Variants in SLC7A14 observed in about 807,000 individuals in gnomAD.
The protein encoded by SLC7A14 is solute carrier family 7 member 14, also known as gamma-aminobutyric acid transporter SLC7A14.
Under a neutral mutation model 60.2 loss-of-function variants are expected in SLC7A14, and 37 were observed. That is an observed-to-expected ratio of 0.61 (90% CI 0.47 to 0.81). The LOEUF (loss-of-function observed/expected upper bound fraction) is 0.81, where lower values mean the gene tolerates loss of function less well. Among genes scored for constraint, SLC7A14 ranks in the 30% least tolerant of loss-of-function variants. The probability of loss-of-function intolerance (pLI) is 0.00; values close to 1 mark genes in which losing one functional copy is unlikely to be tolerated. For missense variants in SLC7A14, 886 were observed against 982.7 expected (o/e 0.90, Z 1.32); for synonymous variants, 399 against 395.8 (o/e 1.01, Z -0.10).
chr3:170,483,254 G>T (rs1711892444), intron 6 of SLC7A14, 60 bp downstream of exon 6: 2 of 1,578,520 alleles, frequency 1.3e-6, no homozygotes, highest in Admixed American at 1.7e-5. Flanking sequence ...ACAGTGGGTA[G>T]ACATTCTCCC....
intron 2 of SLC7A14, among the ~76,000 whole-genome samples, chr3:170,515,086 G>T (rs1358771237): frequency 6.6e-6 from 1 of 152,068 alleles, no homozygotes; most frequent in African/African-American, 2.4e-5. Context: ...GCCGAGGCAG[G>T]TGGATCACCT....
At chr3:170,530,979 G>T (rs1713663511) in intron 1 of SLC7A14, among the ~76,000 whole-genome samples, 1 of 152,170 alleles carries the variant, frequency 6.6e-6, no homozygotes, top group African/African-American at 2.4e-5. Flanking sequence ...GAGACCCTTG[G>T]CAGTGGCTCT....
intron 3 of SLC7A14, among the ~76,000 whole-genome samples, chr3:170,500,744 A>C (rs909527786): frequency 2.0e-5 from 3 of 152,206 alleles, no homozygotes; most frequent in African/African-American, 7.2e-5. Flanking sequence ...GTATGACATT[A>C]CATTAAAACA....
chr3:170,507,002 C>T (rs1472267911), intron 2 of SLC7A14, among the ~76,000 whole-genome samples: 1 of 152,114 alleles, frequency 6.6e-6, no homozygotes, highest in Non-Finnish European at 1.5e-5. Context: ...CCTCTGCATT[C>T]CACCAAAGAA....
intron 5 of SLC7A14, 128 bp from the exon 6 acceptor site, chr3:170,483,650 T>A: frequency 4.2e-6 from 4 of 941,538 alleles, no homozygotes; most frequent in Non-Finnish European, 6.5e-6. Flanking sequence ...ATCCATTCAC[T>A]TGCTGGCATG....
At chr3:170,548,241 C>T (rs1055957596) in intron 1 of SLC7A14, among the ~76,000 whole-genome samples, 4 of 152,116 alleles carry the variant, frequency 2.6e-5, no homozygotes, top group Admixed American at 1.3e-4. Flanking sequence ...ACAGATAAGC[C>T]AGGACTCTTC....
intron 1 of SLC7A14, among the ~76,000 whole-genome samples, chr3:170,539,266 A>G (rs1410644516): frequency 6.6e-6 from 1 of 152,052 alleles, no homozygotes; most frequent in Non-Finnish European, 1.5e-5. Flanking sequence ...TCTATCTGGA[A>G]TCTCTTGCCC....
chr3:170,496,536 C>A, intron 4 of SLC7A14: 2 of 1,583,724 alleles, frequency 1.3e-6, no homozygotes, highest in South Asian at 1.1e-5. Context: ...GGACATGGCG[C>A]AGCAGCTGCG....
chr3:170,501,339 C>G lies in SLC7A14; in HGVS notation c.311G>C (p.Cys104Ser). The change falls in exon 3 of 8, where the codon TGC becomes TCC. Residue 104 changes from cysteine to serine, a missense_variant. Transcript: ENST00000231706. ...GACTCGAACTCCAAACTCTGCATAG[C>G]AGACGCCTGCAAGGGACAGACATAC... ...AAVASILSGV[C>S]YAEFGVRVPK... 1 of 1,614,044 alleles carries G rather than the reference C, an allele frequency of 6.2e-7. No individual in the cohort carries two copies.
At position 170,506,983 on chromosome 3, in the gene SLC7A14, A is replaced by G. The variant is rs1004278699; in HGVS notation, c.305-5638T>C. 2.4e-4 allele frequency among the ~76,000 whole-genome samples: 37 copies of G among 152,208 alleles called. 1 individual carries two copies. On this transcript the variant is annotated intron_variant, in intron 2 of 7. Transcript: ENST00000231706. The stretch of plus-strand genomic sequence containing the variant: ...GGAGAAAGGCTTCTCCACTTAAGAC[A>G]TAAATTTCCCTCTGCATTCCACCAA...
intron 4 of SLC7A14, among the ~76,000 whole-genome samples, chr3:170,495,383 G>C (rs530688877): frequency 6.6e-6 from 1 of 152,126 alleles, no homozygotes; most frequent in Admixed American, 6.6e-5. Flanking sequence ...GCAGCTTCTC[G>C]GCTCCTTCTG....
chr3:170,537,907 A>G (rs1713897204), intron 1 of SLC7A14, among the ~76,000 whole-genome samples: 1 of 152,222 alleles, frequency 6.6e-6, no homozygotes, highest in African/African-American at 2.4e-5. Context: ...GAGGAGAATT[A>G]GGCATTTGCC....
chr3:170,546,878 A>C (rs1314362878), intron 1 of SLC7A14, among the ~76,000 whole-genome samples: 1 of 152,220 alleles, frequency 6.6e-6, no homozygotes, highest in Non-Finnish European at 1.5e-5. Flanking sequence ...GATGATGGAC[A>C]GGTCTTCTTG....
chr3:170,522,787 G>C (rs1713374331), intron 2 of SLC7A14, among the ~76,000 whole-genome samples: 1 of 152,086 alleles, frequency 6.6e-6, no homozygotes. Context: ...TGCATTTTAT[G>C]ATATGTAATT....
In SLC7A14 at chr3:170,483,460, C is replaced by T; in HGVS notation, c.969G>A (p.Met323Ile). ...AGAACCCATGAGCCACAAACATCTCCATGAGTGGGGATTCCGTGTCAATGG... is the reference window on the plus strand; with the variant it reads ...AGAACCCATGAGCCACAAACATCTCTATGAGTGGGGATTCCGTGTCAATGG... Reference protein sequence around the residue: ...YYTIDTESPLMEMFVAHGFYA... With the variant: ...YYTIDTESPLIEMFVAHGFYA... The change falls in exon 6 of 8, where the codon ATG (methionine) becomes ATA (isoleucine). Residue 323 changes from methionine to isoleucine, a missense_variant. Physicochemically the swap from Met to Ile is conservative, Grantham distance 10. Coordinates refer to ENST00000231706, the MANE Select transcript of SLC7A14 (RefSeq NM_020949.3). The T allele has an allele frequency of 6.2e-7, 1 of 1,614,202 alleles. No homozygotes were observed. Among genetic ancestry groups the T allele is most frequent in the Non-Finnish European group, 8.5e-7 (1 of 1,180,036 alleles).
At chr3:170,519,807 C>T (rs2108290428) in intron 2 of SLC7A14, among the ~76,000 whole-genome samples, 1 of 152,220 alleles carries the variant, frequency 6.6e-6, no homozygotes, top group African/African-American at 2.4e-5. Context: ...AAAAAGAGGA[C>T]CGAAAGGTAA....
At chr3:170,500,596 T>C (rs192901136) in intron 3 of SLC7A14, among the ~76,000 whole-genome samples, 1 of 152,176 alleles carries the variant, frequency 6.6e-6, no homozygotes, top group Non-Finnish European at 1.5e-5. Context: ...TTTTATTCAT[T>C]AAATTTTTTT....
intron 1 of SLC7A14, among the ~76,000 whole-genome samples, chr3:170,547,691 A>G (rs1360179811): frequency 6.6e-6 from 1 of 152,182 alleles, no homozygotes; most frequent in Non-Finnish European, 1.5e-5. Context: ...GAAGAGGTGA[A>G]GGAGGTGGAA....
At chr3:170,476,040 C>T (rs551277451) in intron 7 of SLC7A14, among the ~76,000 whole-genome samples, 3 of 152,270 alleles carry the variant, frequency 2.0e-5, no homozygotes, top group South Asian at 2.1e-4. Flanking sequence ...ACTAGTTCCC[C>T]GATGACATTG....
Sources: allele counts gnomAD v4.1 joint callset (sites outside exome capture counted in the v4.1 genomes callset), GRCh38; gene constraint gnomAD v4.1.1; transcripts MANE v1.5; gene names NCBI Gene and HGNC (gene_info 2026-07-23, HGNC 2026-07-21).